The following SEC14L1 variants were observed in gnomAD, a reference collection of about 807,000 sequenced individuals.
SEC14L1 encodes the protein SEC14-like protein 1.
In SEC14L1, 48 loss-of-function variants were observed where a neutral mutation model predicts 85.3. That is an observed-to-expected ratio of 0.56 (90% CI 0.45 to 0.72). SEC14L1 has a LOEUF of 0.72. SEC14L1 is among the 30% of genes least tolerant of loss of function. The pLI, the probability that SEC14L1 is intolerant of heterozygous loss-of-function variation, is 0.00. For synonymous variants in SEC14L1, 391 were observed against 355.5 expected, an observed-to-expected ratio of 1.10 and a Z score of -1.12; for missense variants, 682 against 921.4, an observed-to-expected ratio of 0.74 and a Z score of 3.36.
intron 3 of SEC14L1, among the ~76,000 whole-genome samples, chr17:77,148,058 AGT>A (rs148797030): frequency 0.012 from 1,833 of 152,286 alleles, 23 homozygotes; most frequent in South Asian, 0.045. Context: ...CTTGAGTTGA[AGT>A]GTTTCTTTTT....
intron 3 of SEC14L1, among the ~76,000 whole-genome samples, chr17:77,178,513 G>A (rs901758168): frequency 6.6e-6 from 1 of 152,126 alleles, no homozygotes. Context: ...GTCATGTGAA[G>A]GTCTCTGTTA....
rs1448397835 is a variant in SEC14L1, at chr17:77,191,440, A to G, written c.345+128A>G. ...AGTTCTTCATTAGATGTTGTCACTC[A>G]TTTCTCATGTGTAGGAGGAAGGGTA... On this transcript the variant is annotated intron_variant, in intron 5 of 16. Coordinates refer to ENST00000436233, the MANE Select transcript of SEC14L1 (RefSeq NM_001143998.2). 4 of 1,019,548 alleles carry G rather than the reference A, an allele frequency of 3.9e-6. No individual in the cohort carries two copies. In the Admixed American group the frequency reaches 5.9e-5, roughly 15 times the overall value. The allele number at this position is 1,019,548 out of a possible 1,614,324, so 63.2% of individuals were successfully genotyped here.
intron 3 of SEC14L1, among the ~76,000 whole-genome samples, chr17:77,181,303 A>G (rs546500044): frequency 6.6e-6 from 1 of 152,268 alleles, no homozygotes; most frequent in African/African-American, 2.4e-5. Flanking sequence ...TCCAACCTGA[A>G]GTGGTTTCCC....
intron 3 of SEC14L1, among the ~76,000 whole-genome samples, chr17:77,120,562 T>A (rs590740): frequency 4.0e-5 from 6 of 151,544 alleles, no homozygotes; most frequent in Admixed American, 1.3e-4. Flanking sequence ...CTGTAACCTC[T>A]GCCTCCCAGG....
rs189352201 is a variant in SEC14L1, at chr17:77,183,153, C to G, written c.64-7650C>G. Among the ~76,000 whole-genome samples, 235 of 152,378 alleles carry G rather than the reference C, an allele frequency of 1.5e-3. 1 individual carries two copies. The highest frequency in any genetic ancestry group is 5.2e-3 in the African/African-American group (216 of 41,582). ...TTGTACCAATCTGTGTAGCCTCTGA[C>G]TCTGTCATAAAAGCAGGTTTTATTT... On this transcript the variant is annotated intron_variant, in intron 3 of 16. Coordinates refer to ENST00000436233, the MANE Select transcript of SEC14L1 (RefSeq NM_001143998.2).
intron 3 of SEC14L1, among the ~76,000 whole-genome samples, chr17:77,106,454 C>T (rs1456811798): frequency 1.3e-5 from 2 of 151,028 alleles, no homozygotes; most frequent in African/African-American, 2.4e-5. Flanking sequence ...ATCGCTTGAA[C>T]CCGGGAGGCG....
At chr17:77,164,398 C>T (rs185610836) in intron 3 of SEC14L1, among the ~76,000 whole-genome samples, 1 of 152,300 alleles carries the variant, frequency 6.6e-6, no homozygotes, top group East Asian at 1.9e-4. Flanking sequence ...TTTGAAAAAC[C>T]TCCCAATTTC....
intron 3 of SEC14L1, among the ~76,000 whole-genome samples, chr17:77,186,554 G>T (rs541215407): frequency 6.6e-6 from 1 of 152,238 alleles, no homozygotes; most frequent in South Asian, 2.1e-4. Flanking sequence ...TCCCTTGTGC[G>T]TAGGCAGCTG....
At position 77,193,483 on chromosome 17, in the gene SEC14L1, T is replaced by C; in HGVS notation, c.408T>C (p.Ser136=). Residue 136 remains serine, a synonymous_variant, in exon 6 of 17, where the codon TCT becomes TCC. Coordinates refer to ENST00000436233, the MANE Select transcript of SEC14L1 (RefSeq NM_001143998.2). The part of the protein sequence containing the change: ...FEQSASLDIK[S]FFGFESTVEK... Reference sequence around the variant, plus strand: ...AGTCTGCAAGTTTAGATATTAAATCTTTCTTTGGTTTTGAAAGTACAGTGG... The same window carrying C: ...AGTCTGCAAGTTTAGATATTAAATCCTTCTTTGGTTTTGAAAGTACAGTGG... The C allele has an allele frequency of 1.9e-6, 3 of 1,613,042 alleles. No homozygotes were observed. Among genetic ancestry groups the C allele is most frequent in the Non-Finnish European group, 2.5e-6 (3 of 1,179,188 alleles).
rs142538392 is a variant in SEC14L1 at position 77,213,993 on chromosome 17, G to T, written c.2118G>T (p.Gln706His). 5 of 1,613,242 alleles carry T rather than the reference G, an allele frequency of 3.1e-6. No individual in the cohort carries two copies. Among genetic ancestry groups the T allele is most frequent in the Non-Finnish European group, 4.2e-6 (5 of 1,179,988 alleles). The change falls in exon 17 of 17, where the codon CAG becomes CAT. Residue 706 changes from glutamine to histidine, a missense_variant. Physicochemically the swap from Gln to His is conservative, Grantham distance 24 (BLOSUM62 0). Transcript: ENST00000436233. The surrounding 1 kb of genome is among the most constrained non-coding windows in gnomAD (Gnocchi z 7.1). Reference protein sequence around the residue: ...QLSAATTSSSQSHSSSMISR With the variant: ...QLSAATTSSSHSHSSSMISR ...GTGCCGCCACCACCTCCTCCAGCCAGTCCCACTCCAGCTCCATGATCTCCA... is the reference window on the plus strand; with the variant it reads ...GTGCCGCCACCACCTCCTCCAGCCATTCCCACTCCAGCTCCATGATCTCCA...
intron 3 of SEC14L1, among the ~76,000 whole-genome samples, chr17:77,179,072 A>G (rs1410409892): frequency 1.3e-5 from 2 of 152,130 alleles, no homozygotes; most frequent in Admixed American, 6.5e-5. Flanking sequence ...AATATATATC[A>G]TGTCTGGAAC....
At chr17:77,195,444 G>A (rs959537833) in intron 7 of SEC14L1, among the ~76,000 whole-genome samples, 1 of 151,938 alleles carries the variant, frequency 6.6e-6, no homozygotes, top group Non-Finnish European at 1.5e-5. Flanking sequence ...TCAGCCTCCC[G>A]AGTAGCTGGG....
intron 10 of SEC14L1, 57 bp from the exon 11 acceptor site, chr17:77,205,219 G>A (rs746453130): frequency 2.8e-6 from 4 of 1,426,308 alleles, no homozygotes; most frequent in African/African-American, 1.4e-5. Context: ...ATAGCTGGAC[G>A]CGGTAGTTTT....
intron 5 of SEC14L1, among the ~76,000 whole-genome samples, chr17:77,193,053 C>G (rs572337263): frequency 6.6e-6 from 1 of 152,332 alleles, no homozygotes; most frequent in East Asian, 1.9e-4. Flanking sequence ...GTGTTTCTGG[C>G]TGATTGTCTC....
At chr17:77,107,045 C>T (rs915380430) in intron 3 of SEC14L1, among the ~76,000 whole-genome samples, 1 of 152,172 alleles carries the variant, frequency 6.6e-6, no homozygotes, top group African/African-American at 2.4e-5. Flanking sequence ...TGTAATATAC[C>T]ATCAAGGATC....
rs775722677 is a variant in SEC14L1, at chr17:77,211,976, G to A, written c.1638G>A (p.Ser546=). Residue 546 remains serine, a synonymous_variant, in exon 15 of 17, where the codon TCG becomes TCA. Transcript: ENST00000436233. The part of the protein sequence containing the change: ...HEILIQIVDA[S]SVITWDFDVC... The stretch of plus-strand genomic sequence containing the variant: ...TTCTCATTCAGATTGTGGATGCCTC[G>A]TCAGTCATCACTTGGGATTTCGACG... The A allele has an allele frequency of 1.4e-5, 22 of 1,613,942 alleles. No homozygotes were observed. The highest frequency in any genetic ancestry group is 6.7e-5 in the Admixed American group (4 of 59,992).
rs2143511767 is a variant in SEC14L1, at chr17:77,142,696, T to G, written c.-85T>G. Reference sequence around the variant, plus strand: ...TTCAGTTTTGTATGTTTGAATATCCTCTCACCATGTTCAGCATAAAGTACC... The same window carrying G: ...TTCAGTTTTGTATGTTTGAATATCCGCTCACCATGTTCAGCATAAAGTACC... On this transcript the variant is annotated 5_prime_UTR_variant, in exon 2 of 17. Coordinates refer to ENST00000436233, the MANE Select transcript of SEC14L1 (RefSeq NM_001143998.2). 1 of 152,192 alleles carries G rather than the reference T, an allele frequency of 6.6e-6. No homozygotes were observed. Among genetic ancestry groups the G allele is most frequent in the South Asian group, 2.1e-4 (1 of 4,840 alleles). The allele number at this position is 152,192 out of a possible 1,614,324, so 9.4% of individuals were successfully genotyped here. A position where few individuals can be genotyped will look rare whatever the true frequency, so the allele number is the denominator to read the frequency against.
chr17:77,128,608 G>GTA (rs1972523625), intron 3 of SEC14L1, among the ~76,000 whole-genome samples: 1 of 151,668 alleles, frequency 6.6e-6, no homozygotes, highest in African/African-American at 2.4e-5. Context: ...ACAGGCACAT[G>GTA]CCACCAGGCC....
At chr17:77,107,936 G>T (rs1363394528) in intron 3 of SEC14L1, among the ~76,000 whole-genome samples, 1 of 152,114 alleles carries the variant, frequency 6.6e-6, no homozygotes, top group South Asian at 2.1e-4. Context: ...CAGAGACGGG[G>T]TCTCACTATG....
Sources: allele counts gnomAD v4.1 joint callset (sites outside exome capture counted in the v4.1 genomes callset), GRCh38; gene constraint gnomAD v4.1.1; non-coding constraint Gnocchi (gnomAD v3.1); transcripts MANE v1.5; gene names NCBI Gene and HGNC (gene_info 2026-07-23, HGNC 2026-07-21).